Variants in GRB10 observed in about 807,000 individuals in gnomAD.
The protein encoded by GRB10 is growth factor receptor bound protein 10.
A neutral mutation model predicts 80.9 loss-of-function variants in GRB10; 20 were observed. That is an observed-to-expected ratio of 0.25 (90% CI 0.17 to 0.36). GRB10 has a LOEUF of 0.36. Ranked by LOEUF, GRB10 falls within the 10% of genes least tolerant of loss-of-function variation. GRB10 has a pLI of 1.00. For synonymous variants in GRB10, 291 were observed against 291.5 expected (o/e 1.00, Z 0.02); for missense variants, 548 against 747.7 (o/e 0.73, Z 3.12).
intron 5 of GRB10, among the ~76,000 whole-genome samples, chr7:50,677,587 A>C (rs986929573): frequency 3.3e-5 from 5 of 152,216 alleles, no homozygotes; most frequent in Non-Finnish European, 7.3e-5. Context: ...GGGCTTCAGG[A>C]AAGTTCTAGA....
chr7:50,759,979 G>A (rs570621445), intron 2 of GRB10, among the ~76,000 whole-genome samples: 2 of 152,262 alleles, frequency 1.3e-5, no homozygotes, highest in South Asian at 2.1e-4. Context: ...ACTCCATCTA[G>A]GTCTCAATTT....
rs2060171948 is a variant in GRB10, at chr7:50,669,750, A to G, written c.476T>C (p.Leu159Ser). The change falls in exon 7 of 19, where the codon TTA becomes TCA. Residue 159 changes from leucine (L) to serine (S), a missense_variant. Physicochemically the swap from Leu to Ser is moderately radical, Grantham distance 145. Around this residue, in one of 4 missense-constraint regions of GRB10, gnomAD observed 245 missense variants for 229.3 expected, o/e 1.07. Coordinates refer to ENST00000401949, the MANE Select transcript of GRB10 (RefSeq NM_001350814.2). ...CTTTGCGGCGGCCTGGCTCGGAGGTAAAGAACCCGGCGTGAGCACAGGGGG... is the reference window on the plus strand; with the variant it reads ...CTTTGCGGCGGCCTGGCTCGGAGGTGAAGAACCCGGCGTGAGCACAGGGGG... ...GSPPVLTPGS[L>S]PPSQAAAKQD... 6.2e-7 allele frequency: 1 copy of G among 1,613,726 alleles called. No homozygotes were observed. Among genetic ancestry groups the G allele is most frequent in the Non-Finnish European group, 8.5e-7 (1 of 1,180,004 alleles).
chr7:50,636,675 C>T (rs893774486), intron 7 of GRB10, among the ~76,000 whole-genome samples: 14 of 151,920 alleles, frequency 9.2e-5, no homozygotes, highest in African/African-American at 3.4e-4. Context: ...CAGTAAAATA[C>T]AACACCCCTT....
In GRB10 at chr7:50,689,841, A is replaced by C. The variant is rs377465621; in HGVS notation, c.139+13980T>G. 5.9e-4 allele frequency among the ~76,000 whole-genome samples: 90 copies of C among 151,782 alleles called. 1 individual carries two copies. The South Asian group carries it at 0.018, about 30-fold the overall frequency. ...GTTTTTTTTTTTATTTTTTACTTGT[A>C]ATCTAACTGAAATTCTCTAGTTTGA... On this transcript the variant is annotated intron_variant, in intron 5 of 18. Coordinates refer to ENST00000401949, the MANE Select transcript of GRB10 (RefSeq NM_001350814.2).
rs554907238 is a variant in GRB10, at chr7:50,643,315, A to G, written c.505-16337T>C. Among the ~76,000 whole-genome samples, 6 of 152,256 alleles carry G rather than the reference A, an allele frequency of 3.9e-5. No individual in the cohort carries two copies. The South Asian group carries it at 1.2e-3, about 32-fold the overall frequency. On this transcript the variant is annotated intron_variant, in intron 7 of 18. Transcript: ENST00000401949. ...CCCTAATCAAGTCATAAATATCAAC[A>G]TCAGCATAAACTGGACCAGCCAACA...
chr7:50,605,260 C>T, intron 15 of GRB10, 30 bp downstream of exon 15: 1 of 1,548,594 alleles, frequency 6.5e-7, no homozygotes, highest in South Asian at 1.1e-5. Context: ...TGAGGGTGCC[C>T]CTCCAGGCTG....
At chr7:50,758,372 T>TA (rs1474828929) in intron 2 of GRB10, among the ~76,000 whole-genome samples, 1 of 152,206 alleles carries the variant, frequency 6.6e-6, no homozygotes, top group Non-Finnish European at 1.5e-5. Flanking sequence ...AGATACGACT[T>TA]AAACTTGAGA....
chr7:50,617,517 T>G (rs1257073220), intron 10 of GRB10, among the ~76,000 whole-genome samples: 2 of 152,202 alleles, frequency 1.3e-5, no homozygotes, highest in African/African-American at 4.8e-5. Context: ...GGTGGCTCCC[T>G]CCACTGGAAG....
chr7:50,791,975 C>T (rs889203718), intron 1 of GRB10, among the ~76,000 whole-genome samples: 4 of 152,160 alleles, frequency 2.6e-5, no homozygotes, highest in Non-Finnish European at 5.9e-5. Flanking sequence ...GAGAGGAACT[C>T]GGGGTCAGCT....
chr7:50,691,646 A>G (rs1436076624), intron 5 of GRB10, among the ~76,000 whole-genome samples: 2 of 152,244 alleles, frequency 1.3e-5, no homozygotes, highest in Non-Finnish European at 2.9e-5. Context: ...CATTAATGAC[A>G]TGTACAAATG....
chr7:50,623,382 T>C (rs2052241172), intron 8 of GRB10, among the ~76,000 whole-genome samples: 1 of 152,250 alleles, frequency 6.6e-6, no homozygotes, highest in South Asian at 2.1e-4. Flanking sequence ...CTTTTTCAAG[T>C]GCGTCCAGTA....
At chr7:50,762,579 A>T (rs1324817835) in intron 2 of GRB10, among the ~76,000 whole-genome samples, 1 of 152,218 alleles carries the variant, frequency 6.6e-6, no homozygotes, top group African/African-American at 2.4e-5. Context: ...ATGACACATA[A>T]ATTAAAAATA....
chr7:50,744,608 C>T (rs1336457428), intron 3 of GRB10, among the ~76,000 whole-genome samples: 2 of 152,138 alleles, frequency 1.3e-5, no homozygotes, highest in African/African-American at 4.8e-5. Context: ...GGAGCACTTC[C>T]AGTTTCACTA....
intron 5 of GRB10, among the ~76,000 whole-genome samples, chr7:50,694,992 GC>G (rs894852114): frequency 6.6e-6 from 1 of 152,068 alleles, no homozygotes; most frequent in Non-Finnish European, 1.5e-5. Context: ...CTATTAGGAA[GC>G]CCCCAGATCC....
At chr7:50,792,248 C>A (rs1355088885) in intron 1 of GRB10, among the ~76,000 whole-genome samples, 2 of 151,964 alleles carry the variant, frequency 1.3e-5, no homozygotes, top group South Asian at 2.1e-4. Context: ...CCCTCCCCCC[C>A]ATCTCTTGAA....
intron 17 of GRB10, among the ~76,000 whole-genome samples, chr7:50,602,130 T>C (rs1292673171): frequency 1.4e-5 from 2 of 140,404 alleles, no homozygotes; most frequent in Non-Finnish European, 3.2e-5. Flanking sequence ...GTTCTAAAAA[T>C]TGACAAGTAA....
intron 3 of GRB10, among the ~76,000 whole-genome samples, chr7:50,746,764 G>A (rs1469523575): frequency 1.3e-5 from 2 of 151,918 alleles, no homozygotes; most frequent in Admixed American, 6.6e-5. Context: ...ATCACTTCAG[G>A]GCCTGCACAC....
intron 7 of GRB10, among the ~76,000 whole-genome samples, chr7:50,630,316 T>C (rs958066090): frequency 7.2e-5 from 11 of 152,230 alleles, no homozygotes; most frequent in African/African-American, 2.7e-4. Flanking sequence ...TGTGGGAACA[T>C]GGCTGAGCTA....
At position 50,593,222 on chromosome 7, in the gene GRB10, G is replaced by A. The variant is rs969496490; in HGVS notation, c.1639-124C>T. 37 of 1,129,514 alleles carry A rather than the reference G, an allele frequency of 3.3e-5. No individual in the cohort carries two copies. The East Asian group carries it at 8.0e-4, about 25-fold the overall frequency. The allele number at this position is 1,129,514 out of a possible 1,614,324, so 70.0% of individuals were successfully genotyped here. A position where few individuals can be genotyped will look rare whatever the true frequency, so the allele number is the denominator to read the frequency against. ...ATTCCAGAGGGACACACAGGGCAAG[G>A]TAGGCTAGAAAACACCAGGGGCGGG... On this transcript the variant is annotated intron_variant, in intron 18 of 18. Coordinates refer to ENST00000401949, the MANE Select transcript of GRB10 (RefSeq NM_001350814.2).
Sources: gnomAD v4.1 joint callset for allele counts (sites outside exome capture counted in the v4.1 genomes callset) on GRCh38, gnomAD v4.1.1 for gene constraint, gnomAD v4.1.1 regional missense constraint, MANE v1.5 for transcripts, NCBI Gene and HGNC (gene_info 2026-07-23, HGNC 2026-07-21) for gene names.